Variants in IRGM observed in about 807,000 individuals in gnomAD.
IRGM encodes immunity related GTPase M.
For synonymous variants in IRGM, 98 were observed against 80.6 expected (o/e 1.22, Z -1.16); for missense variants, 288 against 219.9 (o/e 1.31, Z -1.96).
chr5:150,895,465 G>A (rs1754721944), intron 3 of IRGM: 1 of 1,612,384 alleles, frequency 6.2e-7, no homozygotes, highest in Non-Finnish European at 8.5e-7. Flanking sequence ...TGTACAGTTA[G>A]TTGTGACTTC....
intron 3 of IRGM, among the ~76,000 whole-genome samples, chr5:150,887,770 A>C (rs911478972): frequency 2.6e-5 from 4 of 151,992 alleles, no homozygotes; most frequent in Non-Finnish European, 5.9e-5. Context: ...CTTACAAGCC[A>C]GGAAAGATTT....
At position 150,875,235 on chromosome 5, in the gene IRGM, C is replaced by T. The variant is rs571469113; in HGVS notation, c.159-2745C>T. The stretch of plus-strand genomic sequence containing the variant: ...GGTTCTGCATGACATGCAGGCACCA[C>T]CCAAAAGTGGACAGCTGCAGCAATA... On this transcript the variant is annotated intron_variant and NMD_transcript_variant, in intron 1 of 3. Coordinates refer to the IRGM transcript ENST00000520549. Among the ~76,000 whole-genome samples the T allele has an allele frequency of 2.6e-5, 4 of 152,284 alleles. No individual in the cohort carries two copies. In the East Asian group the frequency reaches 5.8e-4, roughly 22 times the overall value.
chr5:150,898,042 T>C (rs1754856366), intron 3 of IRGM: 1 of 1,603,882 alleles, frequency 6.2e-7, no homozygotes, highest in Non-Finnish European at 8.5e-7. Context: ...TAAAAAAACA[T>C]AAATTGATAT....
In IRGM at chr5:150,848,270, C is replaced by T; in HGVS notation, c.147C>T (p.Phe49=). Residue 49 remains phenylalanine (F), a synonymous_variant, in exon 2 of 2, where the codon TTC becomes TTT. Transcript: ENST00000522154. The part of the protein sequence containing the change: ...AGDSGNGMST[F]ISALRNTGHE... ...ACTCTGGCAATGGGATGTCCACCTT[C>T]ATCAGTGCCCTTCGAAACACAGGAC... 1.3e-6 allele frequency: 2 copies of T among 1,551,846 alleles called. No homozygotes were observed. Among genetic ancestry groups the T allele is most frequent in the Non-Finnish European group, 1.7e-6 (2 of 1,146,994 alleles).
chr5:150,851,976 A>AGTAACATT (rs1753984296), downstream of IRGM, among the ~76,000 whole-genome samples: 1 of 152,222 alleles, frequency 6.6e-6, no homozygotes, highest in Non-Finnish European at 1.5e-5. Flanking sequence ...TGATACATAC[A>AGTAACATT]GTAACATTAA....
At chr5:150,857,378 G>C (rs1475319403) in intron 1 of IRGM, among the ~76,000 whole-genome samples, 1 of 152,220 alleles carries the variant, frequency 6.6e-6, no homozygotes, top group Admixed American at 6.5e-5. Context: ...TGTGAATAGT[G>C]CCGCAATAAA....
At chr5:150,851,230 C>T (rs564378297), downstream of IRGM, among the ~76,000 whole-genome samples, 2 of 152,150 alleles carry the variant, frequency 1.3e-5, no homozygotes, top group Non-Finnish European at 2.9e-5. Context: ...ACCCTCCTAC[C>T]GTTGGTCTTG....
intron 1 of IRGM, among the ~76,000 whole-genome samples, chr5:150,863,306 T>A (rs1341733977): frequency 1.3e-5 from 2 of 151,796 alleles, no homozygotes; most frequent in South Asian, 2.1e-4. Flanking sequence ...TGAAGAAGAG[T>A]AAAAAGGAAA....
chr5:150,870,500 A>G (rs369633011), intron 1 of IRGM, among the ~76,000 whole-genome samples: 3 of 147,602 alleles, frequency 2.0e-5, no homozygotes, highest in East Asian at 2.1e-4. Context: ...TTATTTTGCT[A>G]TACAACTCCT....
chr5:150,857,616 C>T (rs1208826158), intron 1 of IRGM, among the ~76,000 whole-genome samples: 1 of 141,704 alleles, frequency 7.1e-6, no homozygotes, highest in Non-Finnish European at 1.5e-5. Context: ...TTAATGATCG[C>T]CATTCTAACT....
chr5:150,889,249 A>T (rs1754571299), intron 3 of IRGM, among the ~76,000 whole-genome samples: 1 of 152,068 alleles, frequency 6.6e-6, no homozygotes, highest in African/African-American at 2.4e-5. Flanking sequence ...ATGGACTCAC[A>T]GTTCCACATG....
chr5:150,869,685 T>G (rs1317699421), intron 1 of IRGM, among the ~76,000 whole-genome samples: 1 of 152,198 alleles, frequency 6.6e-6, no homozygotes, highest in African/African-American at 2.4e-5. Flanking sequence ...GGGTTTCTAT[T>G]TCTTCCTGGT....
chr5:150,890,304 G>A (rs1754589420), intron 3 of IRGM, among the ~76,000 whole-genome samples: 1 of 151,970 alleles, frequency 6.6e-6, no homozygotes, highest in Admixed American at 6.6e-5. Flanking sequence ...TTGGTATTAA[G>A]ATGTTCATAA....
Position 150,848,047 on chromosome 5 carries a change from C to T in IRGM, c.-77C>T, listed in dbSNP as rs992774867. The T allele has an allele frequency of 2.0e-5, 23 of 1,139,868 alleles. No individual in the cohort carries two copies. The highest frequency in any genetic ancestry group is 8.0e-5 in the Admixed American group (3 of 37,278). The allele number at this position is 1,139,868 out of a possible 1,614,324, so 70.6% of individuals were successfully genotyped here. On this transcript the variant is annotated 5_prime_UTR_variant, in exon 2 of 2. Coordinates refer to ENST00000522154, the MANE Select transcript of IRGM (RefSeq NM_001145805.2). Reference sequence around the variant, plus strand: ...CAATCTCCTGACCTCGTGATCTGCTCGCCTCGGCCTTCCAAAGTGCTGGGA... The same window carrying T: ...CAATCTCCTGACCTCGTGATCTGCTTGCCTCGGCCTTCCAAAGTGCTGGGA...
chr5:150,882,980 TAAC>T (rs1193664804), intron 3 of IRGM, among the ~76,000 whole-genome samples: 2 of 151,972 alleles, frequency 1.3e-5, no homozygotes, highest in Non-Finnish European at 2.9e-5. Context: ...AAACAAGAAA[TAAC>T]AAATACAAAA....
intron 3 of IRGM, among the ~76,000 whole-genome samples, chr5:150,893,844 T>G (rs565010245): frequency 1.1e-4 from 16 of 152,118 alleles, no homozygotes; most frequent in Non-Finnish European, 2.1e-4. Context: ...ACAATAAAAT[T>G]AGCAGATCCA....
At chr5:150,856,925 T>TTTA (rs1286278683) in intron 1 of IRGM, among the ~76,000 whole-genome samples, 2 of 146,312 alleles carry the variant, frequency 1.4e-5, no homozygotes, top group Non-Finnish European at 3.0e-5. Context: ...TTATTATTTA[T>TTTA]TATTTATTAT....
At chr5:150,878,024 T>C (rs536462074) in exon 2 of IRGM, 9 of 458,450 alleles carry the variant, frequency 2.0e-5, no homozygotes, top group Non-Finnish European at 4.0e-5. Context: ...GCCACGTACC[T>C]CTTGCTTGCT....
At chr5:150,859,909 G>A (rs11167515) in intron 1 of IRGM, among the ~76,000 whole-genome samples, 1 of 151,814 alleles carries the variant, frequency 6.6e-6, no homozygotes, top group South Asian at 2.1e-4. Flanking sequence ...TGACTTGATT[G>A]TACAGGATGA....
Sources: gnomAD v4.1 joint callset for allele counts (sites outside exome capture counted in the v4.1 genomes callset) on GRCh38, gnomAD v4.1.1 for gene constraint, MANE v1.5 for transcripts, NCBI Gene and HGNC (gene_info 2026-07-23, HGNC 2026-07-21) for gene names.